The following GFRA2 variants were observed in gnomAD, a reference collection of about 807,000 sequenced individuals.
GFRA2 encodes the protein GDNF family receptor alpha-2.
Under a neutral mutation model 48.3 loss-of-function variants are expected in GFRA2, and 17 were observed. The ratio of observed to expected loss-of-function variants is 0.35; its 90% CI spans 0.24 to 0.53. GFRA2 has a LOEUF of 0.53. Among genes scored for constraint, GFRA2 ranks in the 20% least tolerant of loss-of-function variants. GFRA2 has a pLI of 0.93. For synonymous variants in GFRA2, 305 were observed against 257.2 expected (o/e 1.19, Z -1.78); for missense variants, 660 against 637.3 (o/e 1.04, Z -0.38).
intron 1 of GFRA2, among the ~76,000 whole-genome samples, chr8:21,783,722 T>C (rs1322867813): frequency 2.1e-4 from 31 of 145,912 alleles, no homozygotes; most frequent in African/African-American, 5.6e-4. Context: ...CCCGGCCCCC[T>C]CCAATAGAAA....
At chr8:21,756,335 G>A (rs563385052) in intron 3 of GFRA2, among the ~76,000 whole-genome samples, 2 of 152,174 alleles carry the variant, frequency 1.3e-5, no homozygotes, top group Non-Finnish European at 2.9e-5. Context: ...CTCCTACCTG[G>A]TTACCAGGAA....
chr8:21,777,739 T>C (rs1309132330), intron 2 of GFRA2, among the ~76,000 whole-genome samples: 2 of 152,032 alleles, frequency 1.3e-5, no homozygotes, highest in East Asian at 3.9e-4. Context: ...GGCCGTGGGA[T>C]CGCCCCCAAG....
chr8:21,736,140 T>C (rs1409043958), intron 4 of GFRA2, among the ~76,000 whole-genome samples: 3 of 152,238 alleles, frequency 2.0e-5, no homozygotes, highest in African/African-American at 7.2e-5. Flanking sequence ...AGCACATGGC[T>C]GTTCCCTACC....
At chr8:21,746,808 A>G (rs980906219) in intron 4 of GFRA2, among the ~76,000 whole-genome samples, 3 of 151,426 alleles carry the variant, frequency 2.0e-5, no homozygotes, top group Non-Finnish European at 4.4e-5. Flanking sequence ...AAAAAAAAAA[A>G]GAGAAGGAAA....
intron 4 of GFRA2, among the ~76,000 whole-genome samples, chr8:21,733,423 A>G (rs982512507): frequency 1.3e-5 from 2 of 152,178 alleles, no homozygotes; most frequent in African/African-American, 4.8e-5. Context: ...CTTCCCCAGC[A>G]TCGGCTTAGA....
intron 4 of GFRA2, among the ~76,000 whole-genome samples, chr8:21,738,471 A>ACTCAT (rs1168059016): frequency 6.6e-6 from 1 of 150,712 alleles, no homozygotes; most frequent in African/African-American, 2.4e-5. Flanking sequence ...CTCTCCTCCA[A>ACTCAT]CTCATCTGCA....
intron 2 of GFRA2, among the ~76,000 whole-genome samples, chr8:21,794,889 G>A (rs1430160848): frequency 2.0e-5 from 3 of 152,234 alleles, no homozygotes; most frequent in African/African-American, 7.2e-5. Flanking sequence ...CAGGCTGGGT[G>A]GGACTGGGCT....
intron 2 of GFRA2, among the ~76,000 whole-genome samples, chr8:21,781,780 A>T (rs536607121): frequency 7.6e-4 from 115 of 152,300 alleles, no homozygotes; most frequent in African/African-American, 2.6e-3. Context: ...ATAAATGAAC[A>T]TCTGGTTACA....
At chr8:21,699,076 A>G (rs1031312114) in intron 7 of GFRA2, among the ~76,000 whole-genome samples, 7 of 152,092 alleles carry the variant, frequency 4.6e-5, no homozygotes, top group African/African-American at 1.7e-4. Flanking sequence ...TGTGAGCTTC[A>G]TCCTGTCAAT....
chr8:21,800,540 G>A (rs2117112866), intron 2 of GFRA2, among the ~76,000 whole-genome samples: 1 of 152,350 alleles, frequency 6.6e-6, no homozygotes, highest in Non-Finnish European at 1.5e-5. Context: ...GTCCCCTCCA[G>A]TTGTAGGATC....
intron 4 of GFRA2, among the ~76,000 whole-genome samples, chr8:21,741,906 G>C (rs565805645): frequency 6.9e-6 from 1 of 144,186 alleles, no homozygotes; most frequent in South Asian, 2.2e-4. Context: ...GGGTGACAGA[G>C]CAAGACTCCA....
intron 6 of GFRA2, 37 bp downstream of exon 6, chr8:21,704,948 G>A (rs755670561): frequency 2.0e-6 from 3 of 1,537,474 alleles, no homozygotes; most frequent in African/African-American, 1.4e-5. Context: ...AGGGGTGGGA[G>A]GGGCTGCTGG....
chr8:21,755,756 C>T (rs1354330064), intron 3 of GFRA2, among the ~76,000 whole-genome samples: 4 of 152,192 alleles, frequency 2.6e-5, no homozygotes, highest in African/African-American at 9.7e-5. Context: ...CAGGTGCAAT[C>T]GCTGGGAGGA....
Sources: allele counts gnomAD v4.1 joint callset (sites outside exome capture counted in the v4.1 genomes callset), GRCh38; gene constraint gnomAD v4.1.1; transcripts MANE v1.5; gene names NCBI Gene and HGNC (gene_info 2026-07-23, HGNC 2026-07-21).